ARHGAP5: variants seen among roughly 807,000 people sequenced by gnomAD.
ARHGAP5 encodes rho GTPase-activating protein 5.
Under a neutral mutation model 116.6 loss-of-function variants are expected in ARHGAP5, and 23 were observed. The ratio of observed to expected loss-of-function variants is 0.20; its 90% CI spans 0.14 to 0.28. The LOEUF (loss-of-function observed/expected upper bound fraction) is 0.28, where lower values mean the gene tolerates loss of function less well. Among genes scored for constraint, ARHGAP5 ranks in the 10% least tolerant of loss-of-function variants. The probability of loss-of-function intolerance (pLI) is 1.00; values close to 1 mark genes in which losing one functional copy is unlikely to be tolerated. For synonymous variants in ARHGAP5, 574 were observed against 602.0 expected (o/e 0.95, Z 0.68); for missense variants, 1,405 against 1,774.8 (o/e 0.79, Z 3.74).
chr14:32,120,484 C>T (rs1301557886), intron 3 of ARHGAP5, among the ~76,000 whole-genome samples: 1 of 151,358 alleles, frequency 6.6e-6, no homozygotes, highest in African/African-American at 2.4e-5. Context: ...TGTGTTAGAC[C>T]AGTTTTCTTT....
At chr14:32,128,596 C>A (rs950646603) in intron 3 of ARHGAP5, among the ~76,000 whole-genome samples, 1 of 152,218 alleles carries the variant, frequency 6.6e-6, no homozygotes, top group African/African-American at 2.4e-5. Context: ...GCTCCATGGA[C>A]GCTGCCTCCC....
At position 32,092,389 on chromosome 14, in the gene ARHGAP5, A is replaced by T. The variant is rs142620412; in HGVS notation, c.1720A>T (p.Ser574Cys). The T allele has an allele frequency of 6.2e-7, 1 of 1,613,370 alleles. No individual in the cohort carries two copies. Among genetic ancestry groups the T allele is most frequent in the African/African-American group, 1.3e-5 (1 of 74,902 alleles). Residue 574 changes from serine (S) to cysteine (C), a missense_variant, in exon 2 of 7, where the codon AGT becomes TGT. By Grantham distance (112) the Ser-to-Cys change is moderately radical (BLOSUM62 -1). This residue lies in a region of ARHGAP5 where 944 missense variants were observed against 1,095.3 expected (regional missense o/e 0.86). Coordinates refer to ENST00000345122, the MANE Select transcript of ARHGAP5 (RefSeq NM_001030055.2). The surrounding 1 kb of genome is among the most constrained non-coding windows in gnomAD (Gnocchi z 4.1). Reference sequence around the variant, plus strand: ...CATTAAAGTGGAGCAGTTACTTGCTAGTAGTCTTTTACAGTTGGATCATGG... The same window carrying T: ...CATTAAAGTGGAGCAGTTACTTGCTTGTAGTCTTTTACAGTTGGATCATGG... ...TDIKVEQLLA[S>C]SLLQLDHGRL...
At chr14:32,143,507 G>A (rs1035990334) in intron 3 of ARHGAP5, among the ~76,000 whole-genome samples, 43 of 152,180 alleles carry the variant, frequency 2.8e-4, no homozygotes, top group African/African-American at 1.0e-3. Context: ...GCCTCCCAAA[G>A]TGCTGGGATT....
At chr14:32,085,821 T>C (rs1457332941) in intron 1 of ARHGAP5, among the ~76,000 whole-genome samples, 2 of 152,216 alleles carry the variant, frequency 1.3e-5, no homozygotes, top group African/African-American at 2.4e-5. Flanking sequence ...TATTTGGGGT[T>C]GTACTCAACT....
chr14:32,085,133 A>G (rs1210963330), intron 1 of ARHGAP5, among the ~76,000 whole-genome samples: 2 of 152,252 alleles, frequency 1.3e-5, no homozygotes, highest in African/African-American at 4.8e-5. Flanking sequence ...GCATTGATAA[A>G]TTTACCAGAA....
chr14:32,104,867 A>G (rs2139044033), intron 2 of ARHGAP5, among the ~76,000 whole-genome samples: 1 of 152,306 alleles, frequency 6.6e-6, no homozygotes, highest in Admixed American at 6.5e-5. Context: ...CTAGTCTAGC[A>G]CAGTGGCTAT....
intron 2 of ARHGAP5, among the ~76,000 whole-genome samples, chr14:32,103,975 T>A (rs895005829): frequency 6.6e-6 from 1 of 152,242 alleles, no homozygotes; most frequent in East Asian, 1.9e-4. Flanking sequence ...TGTATAACAA[T>A]TGTTTTGAAC....
chr14:32,078,728 A>G (rs374770644), intron 1 of ARHGAP5, among the ~76,000 whole-genome samples: 9 of 152,200 alleles, frequency 5.9e-5, no homozygotes, highest in African/African-American at 2.2e-4. Context: ...AGCTTGCTCT[A>G]CATTTCCACT....
At chr14:32,134,661 C>T in intron 3 of ARHGAP5, among the ~76,000 whole-genome samples, 1 of 152,204 alleles carries the variant, frequency 6.6e-6, no homozygotes, top group Middle Eastern at 3.2e-3. Context: ...ATCACACATA[C>T]ATACTCTAAA....
chr14:32,129,556 A>G (rs1566676836), intron 3 of ARHGAP5, among the ~76,000 whole-genome samples: 1 of 152,216 alleles, frequency 6.6e-6, no homozygotes, highest in African/African-American at 2.4e-5. Context: ...AAATGGATGA[A>G]TGAATCTTTG....
At position 32,106,823 on chromosome 14, in the gene ARHGAP5, T is replaced by C. The variant is rs142244138; in HGVS notation, c.3718-10317T>C. ...GCACATAGTATTAACAAGTGCCTAA[T>C]AGATAGTAAGCAGTAAATAAATGGC... On this transcript the variant is annotated intron_variant, in intron 2 of 6. Transcript: ENST00000345122. 1.1e-3 allele frequency among the ~76,000 whole-genome samples: 168 copies of C among 152,308 alleles called. 3 individuals carry two copies. Among genetic ancestry groups the C allele is most frequent in the African/African-American group, 3.8e-3 (157 of 41,564 alleles).
chr14:32,138,760 G>A (rs529773750), intron 3 of ARHGAP5, among the ~76,000 whole-genome samples: 3 of 152,268 alleles, frequency 2.0e-5, no homozygotes, highest in South Asian at 2.1e-4. Context: ...AGACATACTC[G>A]TTTTGTTCTT....
chr14:32,077,567 C>T, intron 1 of ARHGAP5, 132 bp downstream of exon 1: 2 of 549,726 alleles, frequency 3.6e-6, no homozygotes, highest in Non-Finnish European at 6.4e-6. Context: ...GCCCCGCGGC[C>T]GCCGAGGGGA....
Position 32,094,103 on chromosome 14 carries a change from A to T in ARHGAP5, c.3434A>T (p.His1145Leu). 1 of 1,614,124 alleles carries T rather than the reference A, an allele frequency of 6.2e-7. No individual in the cohort carries two copies. The highest frequency in any genetic ancestry group is 8.5e-7 in the Non-Finnish European group (1 of 1,180,002). Reference sequence around the variant, plus strand: ...TTTTCTGATAGAACCTCAAAAAGTCATGGGGAACGGAGGCCTTCAAAATAC... The same window carrying T: ...TTTTCTGATAGAACCTCAAAAAGTCTTGGGGAACGGAGGCCTTCAAAATAC... ...NGFSDRTSKSHGERRPSKYKY... is the reference protein window; with the variant it reads ...NGFSDRTSKSLGERRPSKYKY... The change falls in exon 2 of 7, where the codon CAT (histidine) becomes CTT (leucine). Residue 1145 changes from histidine (H) to leucine (L), a missense_variant. By Grantham distance (99) the His-to-Leu change is moderately conservative. This residue lies in a region of ARHGAP5 where 944 missense variants were observed against 1,095.3 expected (regional missense o/e 0.86). Transcript: ENST00000345122.
chr14:32,090,138 G>T (rs569635120), intron 1 of ARHGAP5, among the ~76,000 whole-genome samples: 1 of 151,924 alleles, frequency 6.6e-6, no homozygotes, highest in African/African-American at 2.4e-5. Context: ...GTACATTTTA[G>T]TTATCACCAG....
chr14:32,077,584 C>T (rs1215666679), intron 1 of ARHGAP5, 149 bp downstream of exon 1: 6 of 550,738 alleles, frequency 1.1e-5, no homozygotes, highest in African/African-American at 1.0e-4. Context: ...GGGAGCCTGG[C>T]GCTGCGCTCG....
At chr14:32,081,945 T>G (rs1208187458) in intron 1 of ARHGAP5, among the ~76,000 whole-genome samples, 1 of 152,188 alleles carries the variant, frequency 6.6e-6, no homozygotes, top group Non-Finnish European at 1.5e-5. Context: ...GAAGACAGTT[T>G]TTTCACGGAA....
chr14:32,134,550 A>G (rs1462794350), intron 3 of ARHGAP5, among the ~76,000 whole-genome samples: 1 of 152,172 alleles, frequency 6.6e-6, no homozygotes, highest in Non-Finnish European at 1.5e-5. Flanking sequence ...TGCATCATTA[A>G]AAACAGCATG....
rs1418538185 is a variant in ARHGAP5 at position 32,125,760 on chromosome 14, C to T, written c.3865+8473C>T. Among the ~76,000 whole-genome samples, 8 of 152,270 alleles carry T rather than the reference C, an allele frequency of 5.3e-5. 2 individuals carry two copies. The highest frequency in any genetic ancestry group is 5.2e-4 in the Admixed American group (8 of 15,286). ...TTTTAGCAATATTAAGTCTTCGAATCCATGAATGTTTGATGTCTTTTTTAT... is the reference window on the plus strand; with the variant it reads ...TTTTAGCAATATTAAGTCTTCGAATTCATGAATGTTTGATGTCTTTTTTAT... On this transcript the variant is annotated intron_variant, in intron 3 of 6. Coordinates refer to ENST00000345122, the MANE Select transcript of ARHGAP5 (RefSeq NM_001030055.2).
Sources: allele counts gnomAD v4.1 joint callset (sites outside exome capture counted in the v4.1 genomes callset), GRCh38; gene constraint gnomAD v4.1.1; regional missense constraint gnomAD v4.1.1; non-coding constraint Gnocchi (gnomAD v3.1); transcripts MANE v1.5; gene names NCBI Gene and HGNC (gene_info 2026-07-23, HGNC 2026-07-21).